NTRK2: variants seen among roughly 807,000 people sequenced by gnomAD.
The protein encoded by NTRK2 is neurotrophic receptor tyrosine kinase 2.
In NTRK2, 13 loss-of-function variants were observed where a neutral mutation model predicts 94.5. That is an observed-to-expected ratio of 0.14 (90% CI 0.09 to 0.22). The LOEUF (loss-of-function observed/expected upper bound fraction) is 0.22. Among genes scored for constraint, NTRK2 ranks in the 10% least tolerant of loss-of-function variants. The pLI is 1.00. For synonymous variants in NTRK2, 372 were observed against 407.4 expected (o/e 0.91, Z 1.05); for missense variants, 639 against 1,071.2 (o/e 0.60, Z 5.63).
At chr9:84,934,039 T>C in intron 14 of NTRK2, 123 bp from the exon 15 acceptor site, 2 of 1,065,894 alleles carry the variant, frequency 1.9e-6, no homozygotes, top group Non-Finnish European at 2.9e-6. Flanking sequence ...CTTCTTCGGT[T>C]CACTGTGCAC....
At chr9:84,897,027 C>G (rs369459361) in intron 14 of NTRK2, among the ~76,000 whole-genome samples, 1 of 152,266 alleles carries the variant, frequency 6.6e-6, no homozygotes, top group African/African-American at 2.4e-5. Context: ...TGTCATGACT[C>G]CATTCAACAT....
intron 17 of NTRK2, among the ~76,000 whole-genome samples, chr9:84,970,616 C>G (rs899084348): frequency 3.9e-5 from 6 of 152,122 alleles, no homozygotes; most frequent in African/African-American, 1.4e-4. Flanking sequence ...GGCATGCACG[C>G]ACTGGTGTTT....
intron 2 of NTRK2, among the ~76,000 whole-genome samples, chr9:84,697,204 T>TG (rs1293840388): frequency 6.6e-6 from 1 of 152,080 alleles, no homozygotes; most frequent in Non-Finnish European, 1.5e-5. Context: ...GTCTGCAGGC[T>TG]GGGGGGTGGA....
At position 85,021,349 on chromosome 9, in the gene NTRK2, C is replaced by T; in HGVS notation, c.2429C>T (p.Pro810Leu). The T allele has an allele frequency of 6.2e-7, 1 of 1,614,122 alleles. No individual in the cohort carries two copies. The highest frequency in any genetic ancestry group is 8.5e-7 in the Non-Finnish European group (1 of 1,180,004). ...ELMLGCWQREPHMRKNIKGIH... is the reference protein window; with the variant it reads ...ELMLGCWQRELHMRKNIKGIH... ...ATGCTGGGGTGCTGGCAGCGAGAGCCCCACATGAGGAAGAACATCAAGGGC... is the reference window on the plus strand; with the variant it reads ...ATGCTGGGGTGCTGGCAGCGAGAGCTCCACATGAGGAAGAACATCAAGGGC... The change falls in exon 19 of 19, where the codon CCC (proline) becomes CTC (leucine). Residue 810 changes from proline to leucine, a missense_variant. Around this residue, in one of 5 missense-constraint regions of NTRK2, gnomAD observed 77 missense variants for 203.6 expected, o/e 0.38. Coordinates refer to ENST00000277120, the MANE Select transcript of NTRK2 (RefSeq NM_006180.6).
At chr9:84,881,716 C>G (rs1194241235) in intron 14 of NTRK2, among the ~76,000 whole-genome samples, 2 of 152,320 alleles carry the variant, frequency 1.3e-5, no homozygotes, top group East Asian at 3.9e-4. Context: ...GGTTGGTTAT[C>G]TTTCCTTTTG....
chr9:84,884,854 C>T (rs987716987), intron 14 of NTRK2, among the ~76,000 whole-genome samples: 1 of 152,146 alleles, frequency 6.6e-6, no homozygotes, highest in African/African-American at 2.4e-5. Context: ...TAAATATTTT[C>T]TTTATTTAAT....
chr9:84,740,588 C>T (rs1235036216), intron 9 of NTRK2, among the ~76,000 whole-genome samples: 1 of 152,200 alleles, frequency 6.6e-6, no homozygotes, highest in African/African-American at 2.4e-5. Context: ...CAGAGGTGCG[C>T]AGGGTGTTCA....
rs770383737 is a variant in NTRK2 at position 84,752,074 on chromosome 9, T to C, written c.1385T>C (p.Phe462Ser). ...CTTAAGTTGGCAAGACACTCCAAGTTTGGCATGAAAGGTAAGAAGGGTTGT... is the reference window on the plus strand; with the variant it reads ...CTTAAGTTGGCAAGACACTCCAAGTCTGGCATGAAAGGTAAGAAGGGTTGT... ...FLLKLARHSK[F>S]GMKDFSWFGF... is the part of the protein sequence containing the mutation. Residue 462 changes from phenylalanine (F) to serine (S), a missense_variant, in exon 12 of 19, where the codon TTT becomes TCT. Around this residue, in one of 5 missense-constraint regions of NTRK2, gnomAD observed 343 missense variants for 571.5 expected, o/e 0.60. Transcript: ENST00000277120. 6.2e-7 allele frequency: 1 copy of C among 1,613,948 alleles called. No homozygotes were observed. Among genetic ancestry groups the C allele is most frequent in the Admixed American group, 1.7e-5 (1 of 60,028 alleles).
chr9:84,696,910 A>G (rs1040395065), intron 2 of NTRK2, among the ~76,000 whole-genome samples: 1 of 152,160 alleles, frequency 6.6e-6, no homozygotes, highest in Non-Finnish European at 1.5e-5. Flanking sequence ...AATGTGCAAA[A>G]AATAACAGCA....
At position 84,888,164 on chromosome 9, in the gene NTRK2, T is replaced by C. The variant is rs566734877; in HGVS notation, c.1633+20733T>C. Among the ~76,000 whole-genome samples the C allele has an allele frequency of 7.9e-5, 12 of 152,218 alleles. 1 individual carries two copies. Among genetic ancestry groups the C allele is most frequent in the Admixed American group, 2.6e-4 (4 of 15,298 alleles). On this transcript the variant is annotated intron_variant, in intron 14 of 18. Coordinates refer to ENST00000277120, the MANE Select transcript of NTRK2 (RefSeq NM_006180.6). The stretch of plus-strand genomic sequence containing the variant: ...GGTTCTTGGGTTCAGATGTTAGAGA[T>C]GAGCATTGAGAGAACTTAACCAGTT...
At chr9:84,994,299 T>G (rs1394576506) in intron 17 of NTRK2, among the ~76,000 whole-genome samples, 7 of 152,260 alleles carry the variant, frequency 4.6e-5, no homozygotes, top group Admixed American at 4.6e-4. Context: ...CCATGCTCAC[T>G]ATCATATTCC....
chr9:84,681,162 C>T (rs1303758473), intron 2 of NTRK2, among the ~76,000 whole-genome samples: 1 of 152,164 alleles, frequency 6.6e-6, no homozygotes, highest in African/African-American at 2.4e-5. Context: ...CATCAATTAT[C>T]AGTGAAGACC....
intron 12 of NTRK2, among the ~76,000 whole-genome samples, chr9:84,774,601 C>A (rs765916367): frequency 2.6e-5 from 4 of 152,128 alleles, no homozygotes; most frequent in Non-Finnish European, 5.9e-5. Context: ...CAAAGTGGAT[C>A]CCTTAGAACA....
intron 12 of NTRK2, among the ~76,000 whole-genome samples, chr9:84,846,100 A>G (rs1365416363): frequency 6.6e-6 from 1 of 152,174 alleles, no homozygotes; most frequent in African/African-American, 2.4e-5. Context: ...CCTCCATTTC[A>G]TTGCAAGACT....
intron 12 of NTRK2, among the ~76,000 whole-genome samples, chr9:84,857,463 G>A (rs1360899172): frequency 3.3e-5 from 5 of 152,164 alleles, no homozygotes. Flanking sequence ...TTTTGGCCTT[G>A]TGGGAAAATT....
intron 12 of NTRK2, among the ~76,000 whole-genome samples, chr9:84,844,694 C>CAT (rs60591113): frequency 1.4e-5 from 2 of 138,578 alleles, no homozygotes; most frequent in African/African-American, 5.2e-5. Context: ...CACACACACA[C>CAT]GGCTATCACT....
At position 84,717,378 on chromosome 9, in the gene NTRK2, G is replaced by C. The variant is rs568137111; in HGVS notation, c.584-6195G>C. Among the ~76,000 whole-genome samples the C allele has an allele frequency of 5.2e-4, 79 of 152,322 alleles. 2 individuals are homozygous for C. In the South Asian group the frequency reaches 0.016, roughly 30 times the overall value. On this transcript the variant is annotated intron_variant, in intron 6 of 18. Coordinates refer to ENST00000277120, the MANE Select transcript of NTRK2 (RefSeq NM_006180.6). The stretch of plus-strand genomic sequence containing the variant: ...ACTAGAGATTTGTTTTTCCTTAAGA[G>C]AAAGTGAGGGCCTACACACTTTGAA...
chr9:84,933,234 C>T (rs572105382), intron 14 of NTRK2, among the ~76,000 whole-genome samples: 1 of 152,206 alleles, frequency 6.6e-6, no homozygotes, highest in African/African-American at 2.4e-5. Flanking sequence ...AGGGACTCAA[C>T]ATTTAACGTG....
At chr9:84,919,320 CT>C (rs1280992996) in intron 14 of NTRK2, among the ~76,000 whole-genome samples, 23 of 152,280 alleles carry the variant, frequency 1.5e-4, no homozygotes, top group African/African-American at 5.5e-4. Flanking sequence ...TGTTTTTAGT[CT>C]AGTTTCTTGC....
Sources: allele counts gnomAD v4.1 joint callset (sites outside exome capture counted in the v4.1 genomes callset), GRCh38; gene constraint gnomAD v4.1.1; regional missense constraint gnomAD v4.1.1; transcripts MANE v1.5; gene names NCBI Gene and HGNC (gene_info 2026-07-23, HGNC 2026-07-21).